STAT5B: variants seen among roughly 807,000 people sequenced by gnomAD.
STAT5B encodes the protein transcription factor STAT5B.
STAT5B carries 21 observed loss-of-function variants against 107.8 expected under a neutral mutation model. The ratio of observed to expected loss-of-function variants is 0.19; its 90% CI spans 0.14 to 0.28. The LOEUF (loss-of-function observed/expected upper bound fraction) is 0.28, where lower values mean the gene tolerates loss of function less well. Among genes scored for constraint, STAT5B ranks in the 10% least tolerant of loss-of-function variants. The pLI, the probability that STAT5B is intolerant of heterozygous loss-of-function variation, is 1.00. For missense variants in STAT5B, 565 were observed against 1,008.2 expected (o/e 0.56, Z 5.95); for synonymous variants, 325 against 401.7 (o/e 0.81, Z 2.28).
At chr17:42,214,254 C>T in intron 12 of STAT5B, 1 of 984,770 alleles carries the variant, frequency 1.0e-6, no homozygotes, top group Non-Finnish European at 1.2e-6. Flanking sequence ...TTACATGGTG[C>T]AGGAGATGCC....
chr17:42,265,493 C>T (rs977914305), intron 1 of STAT5B, among the ~76,000 whole-genome samples: 5 of 151,694 alleles, frequency 3.3e-5, no homozygotes, highest in Admixed American at 6.6e-5. Flanking sequence ...GCTGGGATTA[C>T]AGGCACGTGC....
intron 1 of STAT5B, among the ~76,000 whole-genome samples, chr17:42,244,254 ATTT>A (rs556581450): frequency 2.3e-5 from 3 of 132,042 alleles, no homozygotes; most frequent in Non-Finnish European, 1.6e-5. Flanking sequence ...TGCCCGGCTA[ATTT>A]TTTTTTTTTT....
intron 1 of STAT5B, among the ~76,000 whole-genome samples, chr17:42,253,898 A>G (rs1471172008): frequency 6.6e-6 from 1 of 152,150 alleles, no homozygotes; most frequent in East Asian, 1.9e-4. Context: ...TAACAACTGC[A>G]TTTGTAGACA....
the STAT5B span, among the ~76,000 whole-genome samples, chr17:42,283,621 C>T: frequency 1.2e-3 from 183 of 152,352 alleles, no homozygotes; most frequent in African/African-American, 4.2e-3. Flanking sequence ...GGTGACTTCA[C>T]TGTAAAGTGA....
At chr17:42,255,859 G>A (rs929775316) in intron 1 of STAT5B, among the ~76,000 whole-genome samples, 4 of 152,178 alleles carry the variant, frequency 2.6e-5, no homozygotes, top group African/African-American at 9.6e-5. Context: ...GGGAGGCCGA[G>A]GGCGGTTCAC....
intron 2 of STAT5B, among the ~76,000 whole-genome samples, chr17:42,228,537 C>A (rs1366928460): frequency 6.6e-6 from 1 of 152,200 alleles, no homozygotes; most frequent in Non-Finnish European, 1.5e-5. Flanking sequence ...CTGACTGGGT[C>A]TGGAGCCAAA....
chr17:42,232,448 C>A (rs8082236), intron 1 of STAT5B, among the ~76,000 whole-genome samples: 1 of 151,764 alleles, frequency 6.6e-6, no homozygotes, highest in East Asian at 1.9e-4. Flanking sequence ...GGGGTTTCAC[C>A]GTGTTGGCCA....
intron 15 of STAT5B, among the ~76,000 whole-genome samples, chr17:42,208,493 A>AAAAT (rs777760506): frequency 6.4e-4 from 97 of 151,686 alleles, no homozygotes; most frequent in East Asian, 1.8e-3. Context: ...CCCCATCTCA[A>AAAAT]AAATAAATAA....
intron 1 of STAT5B, among the ~76,000 whole-genome samples, chr17:42,245,478 A>G (rs1038719813): frequency 1.3e-5 from 2 of 151,572 alleles, no homozygotes; most frequent in Non-Finnish European, 2.9e-5. Flanking sequence ...CAGCCTCCTG[A>G]GCAGCTGGGA....
chr17:42,201,633 T>C lies in STAT5B; in HGVS notation c.*105A>G, dbSNP rs2080044871. On this transcript the variant is annotated 3_prime_UTR_variant, in exon 19 of 19. Transcript: ENST00000293328. ...TCACAACTAGTATTAACACTTCACA[T>C]TATGAGTATTGTTTCAAAAGAGAAG... 1 of 860,488 alleles carries C rather than the reference T, an allele frequency of 1.2e-6. No homozygotes were observed. The highest frequency in any genetic ancestry group is 2.0e-6 in the Non-Finnish European group (1 of 501,892). 53.3% of individuals were successfully genotyped at this position (860,488 alleles called of 1,614,324 possible).
At chr17:42,226,917 G>C (rs1042546204) in intron 3 of STAT5B, among the ~76,000 whole-genome samples, 3 of 149,824 alleles carry the variant, frequency 2.0e-5, no homozygotes, top group African/African-American at 7.4e-5. Context: ...CTGAGGTCAG[G>C]AGTTCAAGAC....
intron 5 of STAT5B, among the ~76,000 whole-genome samples, chr17:42,220,910 C>A (rs890344214): frequency 6.6e-6 from 1 of 151,940 alleles, no homozygotes; most frequent in Non-Finnish European, 1.5e-5. Flanking sequence ...GCAGGCCCAC[C>A]CCACCCTCCC....
intron 1 of STAT5B, among the ~76,000 whole-genome samples, chr17:42,273,983 AG>A (rs1205279997): frequency 2.0e-5 from 3 of 152,204 alleles, no homozygotes; most frequent in Non-Finnish European, 4.4e-5. Context: ...AGAGCAGGAT[AG>A]GAAGTGTTGA....
At chr17:42,217,498 T>A in intron 9 of STAT5B, 34 bp from the exon 10 acceptor site, 1 of 1,611,950 alleles carries the variant, frequency 6.2e-7, no homozygotes, top group Non-Finnish European at 8.5e-7. Context: ...TCCAAACCCA[T>A]GCCAGGGTCT....
In STAT5B at chr17:42,219,448, G is replaced by A; in HGVS notation, c.697C>T (p.His233Tyr). The A allele has an allele frequency of 6.9e-7, 1 of 1,459,270 alleles. No individual in the cohort carries two copies. The highest frequency in any genetic ancestry group is 9.2e-7 in the Non-Finnish European group (1 of 1,082,328). The allele number at this position is 1,459,270 out of a possible 1,614,324, so 90.4% of individuals were successfully genotyped here. A position where few individuals can be genotyped will look rare whatever the true frequency, so the allele number is the denominator to read the frequency against. ...CGCAGCAGCTGCAGGGTCTTCTGGT[G>A]CTTCTCGGCCAGCTCCTGAGGGAAG... ...QQYRVELAEKHQKTLQLLRKQ... is the reference protein window; with the variant it reads ...QQYRVELAEKYQKTLQLLRKQ... Residue 233 changes from histidine (H) to tyrosine (Y), a missense_variant, in exon 7 of 19, where the codon CAC becomes TAC. Physicochemically the swap from His to Tyr is moderately conservative, Grantham distance 83. This residue lies in a region of STAT5B where 56 missense variants were observed against 104.5 expected (regional missense o/e 0.54). Transcript: ENST00000293328.
chr17:42,244,998 T>C (rs2080438780), intron 1 of STAT5B, among the ~76,000 whole-genome samples: 1 of 151,656 alleles, frequency 6.6e-6, no homozygotes. Flanking sequence ...ACCGCTCGTG[T>C]TCAACCAATT....
intron 1 of STAT5B, among the ~76,000 whole-genome samples, chr17:42,256,566 T>C (rs570619044): frequency 7.3e-5 from 11 of 150,502 alleles, no homozygotes; most frequent in South Asian, 2.1e-4. Context: ...TATTTTAAGA[T>C]AGACTACATT....
chr17:42,241,751 C>T (rs561149194), intron 1 of STAT5B, among the ~76,000 whole-genome samples: 7 of 152,100 alleles, frequency 4.6e-5, no homozygotes, highest in South Asian at 2.1e-4. Context: ...CCTAGTATAG[C>T]GATTTTGAGG....
At chr17:42,263,007 T>TATATAC (rs2080629672) in intron 1 of STAT5B, among the ~76,000 whole-genome samples, 1 of 43,836 alleles carries the variant, frequency 2.3e-5, no homozygotes, top group African/African-American at 1.6e-4. Context: ...TATATATATA[T>TATATAC]ATATATATAA....
Sources: allele counts gnomAD v4.1 joint callset (sites outside exome capture counted in the v4.1 genomes callset), GRCh38; gene constraint gnomAD v4.1.1; regional missense constraint gnomAD v4.1.1; transcripts MANE v1.5; gene names NCBI Gene and HGNC (gene_info 2026-07-23, HGNC 2026-07-21).